Variants in SGCG observed in about 807,000 individuals in gnomAD.
SGCG encodes sarcoglycan gamma.
A neutral mutation model predicts 29.3 loss-of-function variants in SGCG; 26 were observed. The observed-to-expected ratio is 0.89, with a 90% CI of 0.65 to 1.23. The LOEUF is 1.23. Ranked by LOEUF, SGCG falls within the 50% of genes most tolerant of loss-of-function variation. The probability of loss-of-function intolerance (pLI) is 0.00; values close to 1 mark genes in which losing one functional copy is unlikely to be tolerated. For synonymous variants in SGCG, 145 were observed against 129.7 expected, an observed-to-expected ratio of 1.12 and a Z score of -0.80; for missense variants, 353 against 356.0, an observed-to-expected ratio of 0.99 and a Z score of 0.07.
At chr13:23,176,223 T>TA (rs923775080), upstream of SGCG, among the ~76,000 whole-genome samples, 1 of 152,004 alleles carries the variant, frequency 6.6e-6, no homozygotes, top group Non-Finnish European at 1.5e-5. Context: ...AATATCATTT[T>TA]AAAAAAAACT....
intron 4 of SGCG, among the ~76,000 whole-genome samples, chr13:23,252,535 C>G (rs1015620173): frequency 6.6e-6 from 1 of 151,938 alleles, no homozygotes; most frequent in African/African-American, 2.4e-5. Flanking sequence ...ACTAAAAATA[C>G]TAAAAATTAG....
chr13:23,204,259 T>A (rs1368936599), intron 2 of SGCG, among the ~76,000 whole-genome samples: 1 of 152,210 alleles, frequency 6.6e-6, no homozygotes, highest in Non-Finnish European at 1.5e-5. Context: ...CATAAATATT[T>A]AAATGACACT....
At chr13:23,204,688 T>C (rs1377180245) in intron 2 of SGCG, among the ~76,000 whole-genome samples, 1 of 150,720 alleles carries the variant, frequency 6.6e-6, no homozygotes, top group African/African-American at 2.4e-5. Flanking sequence ...TTCTCCTCTT[T>C]CTCTCTTTCT....
rs374724650 is a variant in SGCG at position 23,193,135 on chromosome 13, G to A, written c.1-10560G>A. Among the ~76,000 whole-genome samples the A allele has an allele frequency of 3.3e-4, 50 of 152,310 alleles. No individual in the cohort carries two copies. In the South Asian group the frequency reaches 5.6e-3, roughly 17 times the overall value. ...GAGTGGTGGCCACGTGGTATGGACC[G>A]GTTTTCCCGGCAGTGGGAACAACGT... is the stretch of plus-strand genomic sequence containing the variant. On this transcript the variant is annotated intron_variant, in intron 1 of 7. Coordinates refer to ENST00000218867, the MANE Select transcript of SGCG (RefSeq NM_000231.3).
intron 1 of SGCG, among the ~76,000 whole-genome samples, chr13:23,181,359 A>G (rs1876728502): frequency 6.6e-6 from 1 of 152,188 alleles, no homozygotes; most frequent in Admixed American, 6.5e-5. Flanking sequence ...GCATTTCTGT[A>G]TTATTGGGCA....
At chr13:23,231,111 C>A (rs1879091161) in intron 2 of SGCG, among the ~76,000 whole-genome samples, 1 of 152,176 alleles carries the variant, frequency 6.6e-6, no homozygotes, top group Non-Finnish European at 1.5e-5. Context: ...TATGTTAAAG[C>A]AACCTTGAAT....
chr13:23,257,300 A>G (rs4769247), intron 4 of SGCG, among the ~76,000 whole-genome samples: 54,937 of 152,000 alleles, frequency 0.36, 10,665 homozygotes, highest in South Asian at 0.5. Flanking sequence ...TAGGGTACAC[A>G]TGCAAAACAT....
chr13:23,271,807 G>T (rs1427055511), intron 4 of SGCG, among the ~76,000 whole-genome samples: 2 of 152,110 alleles, frequency 1.3e-5, no homozygotes, highest in Non-Finnish European at 2.9e-5. Flanking sequence ...CCAAGAATGC[G>T]GAATGTCTTT....
intron 3 of SGCG, among the ~76,000 whole-genome samples, chr13:23,238,113 A>G (rs915482935): frequency 2.0e-5 from 3 of 152,184 alleles, no homozygotes; most frequent in African/African-American, 7.2e-5. Flanking sequence ...AAGAGGAAAA[A>G]CAAGAGTGAC....
At chr13:23,217,780 G>A (rs145417437) in intron 2 of SGCG, among the ~76,000 whole-genome samples, 80 of 151,936 alleles carry the variant, frequency 5.3e-4, no homozygotes, top group Middle Eastern at 3.4e-3. Context: ...TACTGAGATC[G>A]CACAACCAGA....
At chr13:23,220,405 G>T (rs1023300584) in intron 2 of SGCG, among the ~76,000 whole-genome samples, 7 of 152,234 alleles carry the variant, frequency 4.6e-5, no homozygotes, top group African/African-American at 1.4e-4. Flanking sequence ...AGCCGAAATC[G>T]CACCATTGCG....
At chr13:23,164,662 C>T in the SGCG span, among the ~76,000 whole-genome samples, 23 of 152,242 alleles carry the variant, frequency 1.5e-4, no homozygotes, top group African/African-American at 4.6e-4. Context: ...AGAGATCATT[C>T]GGCAAGAAAG....
At chr13:23,250,594 GC>G in intron 3 of SGCG, 35 bp from the exon 4 acceptor site, 1 of 991,518 alleles carries the variant, frequency 1.0e-6, no homozygotes, top group Non-Finnish European at 1.6e-6. Flanking sequence ...ATTTTAAACA[GC>G]ACCTATTTTG....
chr13:23,182,137 G>A (rs1387679351), intron 1 of SGCG, among the ~76,000 whole-genome samples: 1 of 152,186 alleles, frequency 6.6e-6, no homozygotes, highest in Non-Finnish European at 1.5e-5. Context: ...TGCGGAAAAT[G>A]AAATTGTTCC....
intron 3 of SGCG, among the ~76,000 whole-genome samples, chr13:23,248,880 A>G (rs142873390): frequency 1.2e-4 from 16 of 137,944 alleles, no homozygotes; most frequent in African/African-American, 3.8e-4. Flanking sequence ...AGTCCCACCT[A>G]CTTGGGAGGC....
chr13:23,181,104 A>AT (rs1196355071), intron 1 of SGCG, 29 bp downstream of exon 1: 1 of 152,208 alleles, frequency 6.6e-6, no homozygotes, highest in African/African-American at 2.4e-5. Context: ...CTTAGATTTT[A>AT]TATCAGTACA....
At chr13:23,186,680 G>T (rs502068) in intron 1 of SGCG, among the ~76,000 whole-genome samples, 114,966 of 152,086 alleles carry the variant, frequency 0.76, 43,915 homozygotes, top group East Asian at 0.93. Flanking sequence ...GGGCCTCAAC[G>T]GCAGCTTTAA....
upstream of SGCG, among the ~76,000 whole-genome samples, chr13:23,176,926 T>C (rs1301506907): frequency 4.6e-5 from 7 of 152,184 alleles, no homozygotes; most frequent in Non-Finnish European, 1.0e-4. Flanking sequence ...CATCCCCATG[T>C]TTATTTTAGA....
intron 2 of SGCG, among the ~76,000 whole-genome samples, chr13:23,218,519 G>A (rs539606752): frequency 6.6e-6 from 1 of 152,212 alleles, no homozygotes; most frequent in East Asian, 1.9e-4. Flanking sequence ...TATTTAAGTT[G>A]TTTATTAAGG....
Sources: allele counts gnomAD v4.1 joint callset (sites outside exome capture counted in the v4.1 genomes callset), GRCh38; gene constraint gnomAD v4.1.1; transcripts MANE v1.5; gene names NCBI Gene and HGNC (gene_info 2026-07-23, HGNC 2026-07-21).